Variants in GMEB1 observed in about 807,000 individuals in gnomAD.
GMEB1 encodes glucocorticoid modulatory element binding protein 1.
A neutral mutation model predicts 52.4 loss-of-function variants in GMEB1; 6 were observed. The observed-to-expected ratio is 0.11, with a 90% confidence interval of 0.06 to 0.23. GMEB1 has a LOEUF of 0.23. Among genes scored for constraint, GMEB1 ranks in the 10% least tolerant of loss-of-function variants. The pLI, the probability that GMEB1 is intolerant of heterozygous loss-of-function variation, is 1.00. For missense variants in GMEB1, 486 were observed against 685.6 expected, an observed-to-expected ratio of 0.71 and a Z score of 3.25; for synonymous variants, 255 against 244.9, an observed-to-expected ratio of 1.04 and a Z score of -0.38.
chr1:28,673,923 G>T (rs1669016743), intron 1 of GMEB1, among the ~76,000 whole-genome samples: 1 of 151,966 alleles, frequency 6.6e-6, no homozygotes, highest in Non-Finnish European at 1.5e-5. Context: ...CGTGGTGGGT[G>T]GATCACGAGG....
chr1:28,710,731 T>TC (rs1204753363), intron 9 of GMEB1, 89 bp downstream of exon 9: 2 of 961,910 alleles, frequency 2.1e-6, no homozygotes, highest in African/African-American at 3.4e-5. Context: ...GGGGTAACTT[T>TC]TTTTTTTTTA....
At chr1:28,684,869 A>C (rs1374937222) in intron 2 of GMEB1, among the ~76,000 whole-genome samples, 1 of 152,158 alleles carries the variant, frequency 6.6e-6, no homozygotes, top group African/African-American at 2.4e-5. Flanking sequence ...TAAATAAATA[A>C]ATAAATAAAA....
intron 1 of GMEB1, among the ~76,000 whole-genome samples, chr1:28,682,097 A>G (rs1214392752): frequency 6.6e-6 from 1 of 152,142 alleles, no homozygotes; most frequent in Non-Finnish European, 1.5e-5. Flanking sequence ...ATATATTAAA[A>G]TAAATACAGT....
At chr1:28,674,009 T>G (rs1009203959) in intron 1 of GMEB1, among the ~76,000 whole-genome samples, 9 of 151,880 alleles carry the variant, frequency 5.9e-5, no homozygotes, top group Admixed American at 5.9e-4. Context: ...TAGCCAGGCA[T>G]GGTGGCGGGC....
rs1319753146 is a variant in GMEB1, at chr1:28,687,373, C to CAAAAA, written c.129-2730_129-2729insAAAAA. ...ACACACACACACACACACACACACA[C>CAAAAA]ACACACACACACACAAAAAAAGACA... On this transcript the variant is annotated intron_variant, in intron 2 of 9. Coordinates refer to ENST00000373816, the MANE Select transcript of GMEB1 (RefSeq NM_001319674.2). 2.5e-4 allele frequency among the ~76,000 whole-genome samples: 6 copies of CAAAAA among 23,916 alleles called. 1 individual carries two copies. The highest frequency in any genetic ancestry group is 1.1e-3 in the African/African-American group (5 of 4,488). The allele number at this position is 23,916 out of a possible 152,430, so 15.7% of individuals were successfully genotyped here.
At position 28,714,458 on chromosome 1, in the gene GMEB1, T is replaced by C; in HGVS notation, c.1377T>C (p.Ser459=). The C allele has an allele frequency of 6.2e-7, 1 of 1,614,210 alleles. No homozygotes were observed. The highest frequency in any genetic ancestry group is 8.5e-7 in the Non-Finnish European group (1 of 1,180,030). ...ACACAGTGACCATCCACCCTTCATC[T>C]AGCTTGGCGCTGCTGAGCTCTACTG... ...SPDTVTIHPS[S]SLALLSSTAM... Residue 459 remains serine, a synonymous_variant, in exon 10 of 10, where the codon TCT becomes TCC. Coordinates refer to ENST00000373816, the MANE Select transcript of GMEB1 (RefSeq NM_001319674.2).
chr1:28,705,632 G>A (rs180900906), intron 8 of GMEB1, among the ~76,000 whole-genome samples: 7 of 150,636 alleles, frequency 4.6e-5, no homozygotes, highest in Admixed American at 2.6e-4. Flanking sequence ...TGTATTTTTA[G>A]TAGAGATGAG....
At chr1:28,690,841 T>C (rs758481221) in intron 3 of GMEB1, among the ~76,000 whole-genome samples, 17 of 149,732 alleles carry the variant, frequency 1.1e-4, no homozygotes, top group Non-Finnish European at 2.1e-4. Context: ...ATTAGCTGGG[T>C]GTAGTGGTGC....
intron 6 of GMEB1, among the ~76,000 whole-genome samples, chr1:28,699,737 G>T (rs1223465264): frequency 2.9e-4 from 41 of 143,584 alleles, no homozygotes; most frequent in Admixed American, 6.3e-4. Context: ...GCCCTTTTTT[G>T]TTTTTTTTTT....
Position 28,716,339 on chromosome 1 carries a change from C to T in GMEB1, c.*1566C>T, listed in dbSNP as rs1455859829. On this transcript the variant is annotated 3_prime_UTR_variant, in exon 10 of 10. Coordinates refer to ENST00000373816, the MANE Select transcript of GMEB1 (RefSeq NM_001319674.2). The stretch of plus-strand genomic sequence containing the variant: ...ATGGCTCCAAGAGCAGGGAGTTCCT[C>T]AATGAAACCAGCTGCCTTTTTTGGT... 2 of 152,196 alleles carry T rather than the reference C, an allele frequency of 1.3e-5. No individual in the cohort carries two copies. The highest frequency in any genetic ancestry group is 4.8e-5 in the African/African-American group (2 of 41,454). 9.4% of individuals were successfully genotyped at this position (152,196 alleles called of 1,614,324 possible). A position where few individuals can be genotyped will look rare whatever the true frequency, so the allele number is the denominator to read the frequency against.
At chr1:28,706,654 G>T (rs1478589829) in intron 8 of GMEB1, among the ~76,000 whole-genome samples, 2 of 150,300 alleles carry the variant, frequency 1.3e-5, no homozygotes, top group African/African-American at 2.4e-5. Flanking sequence ...TGTATTCAGT[G>T]AATTCTTATT....
chr1:28,676,313 C>A (rs1236329339), intron 1 of GMEB1, among the ~76,000 whole-genome samples: 1 of 152,156 alleles, frequency 6.6e-6, no homozygotes, highest in East Asian at 1.9e-4. Context: ...ATCTGAAAAT[C>A]TGAAACCCCA....
chr1:28,706,763 C>G (rs1670792870), intron 8 of GMEB1, among the ~76,000 whole-genome samples: 1 of 151,318 alleles, frequency 6.6e-6, no homozygotes, highest in Non-Finnish European at 1.5e-5. Flanking sequence ...CTCCCAAGTT[C>G]AAGTGATTCT....
chr1:28,702,697 G>A lies in GMEB1; in HGVS notation c.730+128G>A. Reference sequence around the variant, plus strand: ...CTCATGCACGTAAATACTAACTATAGCTACAAACATCCTACTTTAATCCAT... The same window carrying A: ...CTCATGCACGTAAATACTAACTATAACTACAAACATCCTACTTTAATCCAT... On this transcript the variant is annotated intron_variant, in intron 7 of 9. Coordinates refer to ENST00000373816, the MANE Select transcript of GMEB1 (RefSeq NM_001319674.2). The A allele has an allele frequency of 1.3e-5, 9 of 714,058 alleles. No homozygotes were observed. The South Asian group carries it at 1.7e-4, about 13-fold the overall frequency. 44.2% of individuals were successfully genotyped at this position (714,058 alleles called of 1,614,324 possible).
intron 1 of GMEB1, among the ~76,000 whole-genome samples, chr1:28,669,399 T>A (rs1000626982): frequency 6.6e-6 from 1 of 152,046 alleles, no homozygotes. Context: ...GAAGCCCGGA[T>A]GCCCGCCTGG....
chr1:28,704,838 C>T (rs1161215736), intron 8 of GMEB1, among the ~76,000 whole-genome samples: 2 of 151,982 alleles, frequency 1.3e-5, no homozygotes, highest in African/African-American at 4.8e-5. Flanking sequence ...GAACTCCTGA[C>T]CTCAGGTGAT....
chr1:28,704,270 T>C lies in GMEB1; in HGVS notation c.809T>C (p.Ile270Thr), dbSNP rs1408398393. Residue 270 changes from isoleucine (I) to threonine (T), a missense_variant, in exon 8 of 10, where the codon ATA becomes ACA. Transcript: ENST00000373816. ...EEVVCNIQKE[I>T]EELLRGVQQR... ...GTTGTCTGCAATATACAGAAGGAAA[T>C]AGAGGAGCTACTCAGGGGAGTTCAG... 15 of 1,613,500 alleles carry C rather than the reference T, an allele frequency of 9.3e-6. No individual in the cohort carries two copies. The highest frequency in any genetic ancestry group is 1.3e-5 in the Non-Finnish European group (15 of 1,179,830).
At chr1:28,698,166 C>T (rs895112793) in intron 6 of GMEB1, among the ~76,000 whole-genome samples, 4 of 150,310 alleles carry the variant, frequency 2.7e-5, no homozygotes, top group East Asian at 3.9e-4. Context: ...GTCAAGAGAT[C>T]GAGACCATCC....
chr1:28,690,036 C>A (rs1669876997), intron 2 of GMEB1, 68 bp from the exon 3 acceptor site: 5 of 975,472 alleles, frequency 5.1e-6, no homozygotes, highest in Non-Finnish European at 6.3e-6. Context: ...TTTCTTAACC[C>A]CATGCTGTGA....
Sources: allele counts gnomAD v4.1 joint callset (sites outside exome capture counted in the v4.1 genomes callset), GRCh38; gene constraint gnomAD v4.1.1; transcripts MANE v1.5; gene names NCBI Gene and HGNC (gene_info 2026-07-23, HGNC 2026-07-21).